The following SCFD2 variants were observed in gnomAD, a reference collection of about 807,000 sequenced individuals.
The protein encoded by SCFD2 is sec1 family domain containing 2.
SCFD2 carries 54 observed loss-of-function variants against 58.9 expected under a neutral mutation model. The ratio of observed to expected loss-of-function variants is 0.92; its 90% CI spans 0.74 to 1.15. SCFD2 has a LOEUF of 1.15. Ranked by LOEUF, SCFD2 falls within the 50% of genes most tolerant of loss-of-function variation. The pLI is 0.00. For synonymous variants in SCFD2, 321 were observed against 335.9 expected (o/e 0.96, Z 0.49); for missense variants, 805 against 836.6 (o/e 0.96, Z 0.47).
At chr4:53,227,193 T>G (rs1729245671) in intron 4 of SCFD2, among the ~76,000 whole-genome samples, 1 of 152,160 alleles carries the variant, frequency 6.6e-6, no homozygotes, top group African/African-American at 2.4e-5. Context: ...CTCTACAATT[T>G]TCTATAAAAG....
intron 2 of SCFD2, among the ~76,000 whole-genome samples, chr4:53,341,486 G>GT (rs1331129600): frequency 7.9e-5 from 12 of 152,208 alleles, no homozygotes; most frequent in African/African-American, 2.9e-4. Context: ...TCTGATTGGT[G>GT]TACCTGAAAG....
chr4:53,169,414 A>G (rs116685060), intron 4 of SCFD2, among the ~76,000 whole-genome samples: 341 of 152,308 alleles, frequency 2.2e-3, no homozygotes, highest in African/African-American at 8.1e-3. Context: ...TTCATTGTGT[A>G]CATATATACC....
chr4:53,238,009 C>A (rs1417546540), intron 4 of SCFD2, among the ~76,000 whole-genome samples: 1 of 135,732 alleles, frequency 7.4e-6, no homozygotes, highest in South Asian at 2.4e-4. Flanking sequence ...GGGGGCTGAT[C>A]CCCCCACCTC....
intron 4 of SCFD2, among the ~76,000 whole-genome samples, chr4:53,179,255 G>A (rs1023669581): frequency 2.0e-5 from 3 of 152,136 alleles, no homozygotes; most frequent in South Asian, 4.1e-4. Flanking sequence ...AGAGAGAAAG[G>A]TTGGGTTACC....
At chr4:52,899,614 G>C (rs530447827) in intron 7 of SCFD2, among the ~76,000 whole-genome samples, 6 of 152,222 alleles carry the variant, frequency 3.9e-5, no homozygotes, top group Non-Finnish European at 8.8e-5. Flanking sequence ...TGGTGAATCT[G>C]ACAATTATGT....
At chr4:53,205,656 G>A (rs781662592) in intron 4 of SCFD2, among the ~76,000 whole-genome samples, 4 of 151,914 alleles carry the variant, frequency 2.6e-5, no homozygotes, top group South Asian at 2.1e-4. Context: ...TCAGGAGATC[G>A]CGACCATCCT....
Position 52,920,882 on chromosome 4 carries a change from C to G in SCFD2, c.1562-12G>C. 1 of 1,584,976 alleles carries G rather than the reference C, an allele frequency of 6.3e-7. No individual in the cohort carries two copies. The highest frequency in any genetic ancestry group is 8.6e-7 in the Non-Finnish European group (1 of 1,164,178). Reference sequence around the variant, plus strand: ...TGAAGAGTCCCAGTCTGAAAAAATCCAGAGATATTTTCTTGAGTGAGTAAA... The same window carrying G: ...TGAAGAGTCCCAGTCTGAAAAAATCGAGAGATATTTTCTTGAGTGAGTAAA... On this transcript the variant is annotated splice_polypyrimidine_tract_variant and intron_variant, in intron 5 of 8. Transcript: ENST00000401642.
chr4:53,287,061 C>T (rs1731690133), intron 3 of SCFD2, among the ~76,000 whole-genome samples: 1 of 152,134 alleles, frequency 6.6e-6, no homozygotes, highest in South Asian at 2.1e-4. Context: ...CAGCTCTGTG[C>T]CCTGACCCCT....
chr4:53,018,650 T>G (rs1383293976), intron 5 of SCFD2, among the ~76,000 whole-genome samples: 5 of 152,192 alleles, frequency 3.3e-5, no homozygotes, highest in Non-Finnish European at 5.9e-5. Flanking sequence ...CCTTTATTGC[T>G]AGGCCAGACA....
intron 4 of SCFD2, among the ~76,000 whole-genome samples, chr4:53,236,954 G>T (rs932088429): frequency 6.6e-6 from 1 of 151,516 alleles, no homozygotes; most frequent in Non-Finnish European, 1.5e-5. Flanking sequence ...GTGAACAAAG[G>T]TCTCTGGTTT....
chr4:53,134,475 A>C (rs1313337931), intron 5 of SCFD2, among the ~76,000 whole-genome samples: 1 of 152,196 alleles, frequency 6.6e-6, no homozygotes, highest in Non-Finnish European at 1.5e-5. Context: ...AGAAGAAAAA[A>C]TTTAGAGAAG....
intron 5 of SCFD2, among the ~76,000 whole-genome samples, chr4:52,986,783 GC>G (rs1308104339): frequency 6.6e-6 from 1 of 152,048 alleles, no homozygotes; most frequent in East Asian, 1.9e-4. Flanking sequence ...ACAGGTGTGA[GC>G]CACTGCGCTC....
intron 5 of SCFD2, among the ~76,000 whole-genome samples, chr4:52,954,039 T>G (rs937294195): frequency 1.3e-5 from 2 of 152,154 alleles, no homozygotes; most frequent in African/African-American, 4.8e-5. Context: ...TCATGGCAGA[T>G]GGGGACATTC....
chr4:53,326,832 C>T (rs919919680), intron 2 of SCFD2, among the ~76,000 whole-genome samples: 3 of 152,050 alleles, frequency 2.0e-5, no homozygotes, highest in African/African-American at 7.2e-5. Flanking sequence ...CTTTAGTTGT[C>T]ATTAATCTGT....
intron 5 of SCFD2, among the ~76,000 whole-genome samples, chr4:53,031,669 C>T (rs372476761): frequency 1.3e-5 from 2 of 151,694 alleles, no homozygotes; most frequent in African/African-American, 2.4e-5. Context: ...ATTGATCAAA[C>T]GGAAGAAAGG....
chr4:53,007,855 G>C (rs927977536), intron 5 of SCFD2, among the ~76,000 whole-genome samples: 2 of 152,186 alleles, frequency 1.3e-5, no homozygotes, highest in African/African-American at 4.8e-5. Context: ...AGCATTTTTA[G>C]GTGCTTATGA....
chr4:53,055,171 C>G (rs1723288399), intron 5 of SCFD2, among the ~76,000 whole-genome samples: 1 of 152,074 alleles, frequency 6.6e-6, no homozygotes, highest in African/African-American at 2.4e-5. Context: ...TTATGGCAGC[C>G]CTTTGAAGGT....
At chr4:53,166,769 A>T (rs1264777596) in intron 4 of SCFD2, among the ~76,000 whole-genome samples, 1 of 151,826 alleles carries the variant, frequency 6.6e-6, no homozygotes, top group Non-Finnish European at 1.5e-5. Flanking sequence ...TGGATTAAAG[A>T]TAACACAAGG....
intron 5 of SCFD2, among the ~76,000 whole-genome samples, chr4:53,047,353 T>C (rs527548477): frequency 6.6e-6 from 1 of 152,100 alleles, no homozygotes; most frequent in South Asian, 2.1e-4. Flanking sequence ...GAGGCTGAGG[T>C]GGGAGGATCA....
Sources: gnomAD v4.1 joint callset for allele counts (sites outside exome capture counted in the v4.1 genomes callset) on GRCh38, gnomAD v4.1.1 for gene constraint, MANE v1.5 for transcripts, NCBI Gene and HGNC (gene_info 2026-07-23, HGNC 2026-07-21) for gene names.